The following FLNB variants were observed in gnomAD, a reference collection of about 807,000 sequenced individuals.
FLNB encodes the protein filamin-B.
A neutral mutation model predicts 250.6 loss-of-function variants in FLNB; 111 were observed. That is an observed-to-expected ratio of 0.44 (90% CI 0.38 to 0.52). The LOEUF (loss-of-function observed/expected upper bound fraction) is 0.52, where lower values mean the gene tolerates loss of function less well. Ranked by LOEUF, FLNB falls within the 20% of genes least tolerant of loss-of-function variation. The pLI is 0.00. For synonymous variants in FLNB, 1,302 were observed against 1,372.1 expected, an observed-to-expected ratio of 0.95 and a Z score of 1.13; for missense variants, 2,869 against 3,447.8, an observed-to-expected ratio of 0.83 and a Z score of 4.20.
chr3:58,078,481 T>C lies in FLNB; in HGVS notation c.542-236T>C, dbSNP rs778482905. On this transcript the variant is annotated intron_variant, in intron 2 of 45. Transcript: ENST00000295956. ...TTCTTCAAGGAATGGATAATCCCCA[T>C]CTTCATGCAAGAACATAGCACCCGG... The C allele has an allele frequency of 2.5e-5, 39 of 1,536,198 alleles. No homozygotes were observed. The African/African-American group carries it at 4.5e-4, about 18-fold the overall frequency.
intron 1 of FLNB, among the ~76,000 whole-genome samples, chr3:58,019,438 A>G (rs967956722): frequency 3.1e-4 from 47 of 152,266 alleles, no homozygotes; most frequent in African/African-American, 1.1e-3. Flanking sequence ...AAACTCTTTA[A>G]TAGTTTAAAT....
At chr3:58,132,171 G>C (rs545895140) in intron 25 of FLNB, 14 of 629,214 alleles carry the variant, frequency 2.2e-5, no homozygotes, top group Admixed American at 2.2e-4. Context: ...ATCCTTGACT[G>C]TCACGTTGGA....
At chr3:58,152,709 G>T (rs1311879572) in intron 38 of FLNB, 2 of 1,309,128 alleles carry the variant, frequency 1.5e-6, no homozygotes, top group Non-Finnish European at 2.0e-6. Context: ...TGTCCTCAGG[G>T]GTCAGAGTCA....
intron 29 of FLNB, among the ~76,000 whole-genome samples, chr3:58,141,238 G>A (rs2097326482): frequency 6.6e-6 from 1 of 152,188 alleles, no homozygotes; most frequent in Non-Finnish European, 1.5e-5. Context: ...GGATGACAGA[G>A]CAAAACTCTG....
intron 38 of FLNB, chr3:58,152,875 G>C: frequency 1.8e-5 from 9 of 499,298 alleles, no homozygotes; most frequent in Non-Finnish European, 2.7e-5. Flanking sequence ...CACGGAGAGT[G>C]ATGTGGTCTT....
At chr3:58,020,463 T>C (rs2097112205) in intron 1 of FLNB, among the ~76,000 whole-genome samples, 1 of 152,196 alleles carries the variant, frequency 6.6e-6, no homozygotes, top group South Asian at 2.1e-4. Flanking sequence ...GCACCTCTCC[T>C]GAGAGAGAAA....
At position 58,171,142 on chromosome 3, in the gene FLNB, G is replaced by C; in HGVS notation, c.*380G>C. The C allele has an allele frequency of 4.2e-6, 1 of 235,296 alleles. No individual in the cohort carries two copies. The highest frequency in any genetic ancestry group is 5.2e-5 in the Admixed American group (1 of 19,318). The allele number at this position is 235,296 out of a possible 1,614,324, so 14.6% of individuals were successfully genotyped here. A position where few individuals can be genotyped will look rare whatever the true frequency, so the allele number is the denominator to read the frequency against. On this transcript the variant is annotated 3_prime_UTR_variant, in exon 46 of 46. Transcript: ENST00000295956. The surrounding 1 kb of genome is among the most constrained non-coding windows in gnomAD (Gnocchi z 5.5). ...TCAGCATTTATGAAACAAGGCTAGG[G>C]GAAGATGGGCAGAGAAAAAGGGGAC...
chr3:58,034,400 ATT>A (rs56948095), intron 1 of FLNB, among the ~76,000 whole-genome samples: 8 of 141,158 alleles, frequency 5.7e-5, no homozygotes, highest in African/African-American at 1.8e-4. Context: ...TTTAAAGACA[ATT>A]TTTTTTTTTT....
chr3:58,064,036 C>T (rs75053907), intron 1 of FLNB, among the ~76,000 whole-genome samples: 1,676 of 152,112 alleles, frequency 0.011, 32 homozygotes, highest in African/African-American at 0.037. Flanking sequence ...ATTATAATAA[C>T]GCCATTATCT....
At chr3:58,020,863 T>C (rs1342111201) in intron 1 of FLNB, among the ~76,000 whole-genome samples, 1 of 151,928 alleles carries the variant, frequency 6.6e-6, no homozygotes, top group East Asian at 1.9e-4. Context: ...ATTCAGACTT[T>C]AAGATGAAAG....
chr3:58,065,535 G>T (rs1031801958), intron 1 of FLNB, among the ~76,000 whole-genome samples: 1 of 152,238 alleles, frequency 6.6e-6, no homozygotes, highest in Admixed American at 6.5e-5. Context: ...AACCCTAAAA[G>T]CCACCCTCAC....
chr3:58,073,885 G>A (rs573867501), intron 1 of FLNB, among the ~76,000 whole-genome samples: 1 of 152,276 alleles, frequency 6.6e-6, no homozygotes, highest in South Asian at 2.1e-4. Context: ...TACAGGCTAC[G>A]CTCATATCTC....
chr3:58,036,776 T>TA (rs2097138699), intron 1 of FLNB, among the ~76,000 whole-genome samples: 1 of 152,328 alleles, frequency 6.6e-6, no homozygotes, highest in East Asian at 1.9e-4. Flanking sequence ...AGTGAAACCA[T>TA]AAACTAAATT....
In FLNB at chr3:58,142,837, C is replaced by A; in HGVS notation, c.5284+85C>A. The A allele has an allele frequency of 8.4e-7, 1 of 1,187,070 alleles. No homozygotes were observed. The highest frequency in any genetic ancestry group is 1.2e-6 in the Non-Finnish European group (1 of 801,092). The allele number at this position is 1,187,070 out of a possible 1,614,324, so 73.5% of individuals were successfully genotyped here. On this transcript the variant is annotated intron_variant, in intron 31 of 45. Coordinates refer to ENST00000295956, the MANE Select transcript of FLNB (RefSeq NM_001457.4). This position sits in a 1 kb window ranked among gnomAD's most constrained non-coding sequence, Gnocchi z 4.3. ...GGTGCTGGGGAGGTGTGTCCACTGTCCCCCAGACCCAGGCTCCTTAACCCA... is the reference window on the plus strand; with the variant it reads ...GGTGCTGGGGAGGTGTGTCCACTGTACCCCAGACCCAGGCTCCTTAACCCA...
chr3:58,056,246 C>T (rs9869516), intron 1 of FLNB, among the ~76,000 whole-genome samples: 8,764 of 151,364 alleles, frequency 0.058, 817 homozygotes, highest in African/African-American at 0.2. Context: ...GGATTACAGG[C>T]GCCCACCACC....
intron 33 of FLNB, chr3:58,146,563 A>T (rs189423379): frequency 6.0e-6 from 3 of 499,736 alleles, no homozygotes; most frequent in Non-Finnish European, 1.1e-5. Context: ...TTCTCATCCC[A>T]TGCATCCTGA....
intron 34 of FLNB, among the ~76,000 whole-genome samples, chr3:58,147,230 A>G (rs538239684): frequency 1.3e-5 from 2 of 152,352 alleles, no homozygotes; most frequent in South Asian, 4.1e-4. Flanking sequence ...TTATTGTGCC[A>G]GTGTGACTCT....
intron 29 of FLNB, among the ~76,000 whole-genome samples, chr3:58,141,046 A>G (rs991986924): frequency 4.6e-5 from 7 of 152,104 alleles, no homozygotes; most frequent in African/African-American, 1.7e-4. Context: ...CCAGGAGTTT[A>G]AGACCAGCCT....
chr3:58,056,381 G>A (rs1199296612), intron 1 of FLNB, among the ~76,000 whole-genome samples: 8 of 152,106 alleles, frequency 5.3e-5, no homozygotes, highest in African/African-American at 1.7e-4. Flanking sequence ...GATTACAGGT[G>A]TGAGCCACCG....
Sources: gnomAD v4.1 joint callset for allele counts (sites outside exome capture counted in the v4.1 genomes callset) on GRCh38, gnomAD v4.1.1 for gene constraint, Gnocchi (gnomAD v3.1) non-coding constraint, MANE v1.5 for transcripts, NCBI Gene and HGNC (gene_info 2026-07-23, HGNC 2026-07-21) for gene names.